Variants in CCDC148 observed in about 807,000 individuals in gnomAD.
CCDC148 encodes coiled-coil domain-containing protein 148.
A neutral mutation model predicts 85.7 loss-of-function variants in CCDC148; 89 were observed. The ratio of observed to expected loss-of-function variants is 1.04; its 90% CI spans 0.87 to 1.24. The LOEUF is 1.24. Among genes scored for constraint, CCDC148 ranks in the 50% most tolerant of loss-of-function variants. CCDC148 has a pLI of 0.00. For synonymous variants in CCDC148, 230 were observed against 213.9 expected, an observed-to-expected ratio of 1.08 and a Z score of -0.66; for missense variants, 692 against 671.7, an observed-to-expected ratio of 1.03 and a Z score of -0.33.
intron 1 of CCDC148, among the ~76,000 whole-genome samples, chr2:158,382,758 CA>C (rs10708736): frequency 0.6 from 87,625 of 144,882 alleles, 26,926 homozygotes; most frequent in East Asian, 0.73. Context: ...ACTAAAAATA[CA>C]AAAAAAAAAA....
chr2:158,281,846 A>G (rs1184454954), intron 9 of CCDC148, among the ~76,000 whole-genome samples: 1 of 152,196 alleles, frequency 6.6e-6, no homozygotes, highest in Non-Finnish European at 1.5e-5. Context: ...TTAAACCAAC[A>G]TCCTTGATGA....
chr2:158,246,941 C>T (rs1688593152), intron 10 of CCDC148, among the ~76,000 whole-genome samples: 1 of 152,128 alleles, frequency 6.6e-6, no homozygotes, highest in South Asian at 2.1e-4. Flanking sequence ...GTAAGAGCCA[C>T]CTGTAGAGAT....
Position 158,400,402 on chromosome 2 carries a change from C to T in CCDC148, c.26-41832G>A, listed in dbSNP as rs536564281. ...CAGAACAGAGGTCTCAGAAATAATG[C>T]CACACATCTACAACCATCTGATCTT... is the stretch of plus-strand genomic sequence containing the variant. On this transcript the variant is annotated intron_variant, in intron 1 of 13. Transcript: ENST00000283233. Among the ~76,000 whole-genome samples the T allele has an allele frequency of 9.2e-5, 14 of 152,164 alleles. No homozygotes were observed. The East Asian group carries it at 2.7e-3, about 29-fold the overall frequency.
chr2:158,306,351 T>A (rs1691685101), intron 9 of CCDC148, among the ~76,000 whole-genome samples: 1 of 151,474 alleles, frequency 6.6e-6, no homozygotes, highest in Non-Finnish European at 1.5e-5. Context: ...TGAAACCCCA[T>A]CTCTACTAAA....
intron 1 of CCDC148, among the ~76,000 whole-genome samples, chr2:158,432,235 T>TAA (rs11445715): frequency 2.8e-5 from 4 of 145,398 alleles, no homozygotes; most frequent in African/African-American, 7.6e-5. Context: ...ATGATGAAAA[T>TAA]AAAAAAAAAC....
intron 10 of CCDC148, among the ~76,000 whole-genome samples, chr2:158,226,790 T>C (rs1303278426): frequency 6.6e-6 from 1 of 152,176 alleles, no homozygotes; most frequent in African/African-American, 2.4e-5. Flanking sequence ...AAATTAGGTA[T>C]TGATGGGATG....
At chr2:158,234,417 T>C (rs1204320372) in intron 10 of CCDC148, among the ~76,000 whole-genome samples, 4 of 152,092 alleles carry the variant, frequency 2.6e-5, no homozygotes, top group Non-Finnish European at 5.9e-5. Flanking sequence ...TAGCAACCAA[T>C]CTCCAAGGTG....
chr2:158,300,438 G>A (rs947597438), intron 9 of CCDC148, among the ~76,000 whole-genome samples: 6 of 152,144 alleles, frequency 3.9e-5, no homozygotes, highest in Admixed American at 1.3e-4. Flanking sequence ...AATCACAGGC[G>A]AGCCAGAGTT....
chr2:158,330,358 C>G (rs1693032977), intron 7 of CCDC148, among the ~76,000 whole-genome samples: 1 of 152,058 alleles, frequency 6.6e-6, no homozygotes, highest in African/African-American at 2.4e-5. Flanking sequence ...GGGATGAAGC[C>G]CACTTGATTA....
chr2:158,455,631 T>TGACATA (rs1688627854), intron 1 of CCDC148, among the ~76,000 whole-genome samples: 1 of 151,562 alleles, frequency 6.6e-6, no homozygotes, highest in African/African-American at 2.4e-5. Context: ...TGAGGGGTAG[T>TGACATA]AACATAGTCT....
chr2:158,325,402 A>G lies in CCDC148; in HGVS notation c.765-11508T>C, dbSNP rs75175691. Among the ~76,000 whole-genome samples the G allele has an allele frequency of 8.4e-3, 1,281 of 152,234 alleles. 11 individuals are homozygous for G. Among genetic ancestry groups the G allele is most frequent in the African/African-American group, 0.029 (1,209 of 41,540 alleles). ...AGGACACTACACTCTCTTTGTTTTC[A>G]TATCTCACAGACATTTTCTCAGTGT... On this transcript the variant is annotated intron_variant, in intron 7 of 13. Coordinates refer to ENST00000283233, the MANE Select transcript of CCDC148 (RefSeq NM_138803.4).
intron 9 of CCDC148, among the ~76,000 whole-genome samples, chr2:158,260,754 T>C (rs72995449): frequency 0.029 from 4,476 of 152,024 alleles, 198 homozygotes; most frequent in African/African-American, 0.098. Context: ...ACGAATGCAA[T>C]CTGATTCACA....
chr2:158,328,387 C>T (rs940689692), intron 7 of CCDC148, among the ~76,000 whole-genome samples: 20 of 152,148 alleles, frequency 1.3e-4, no homozygotes, highest in African/African-American at 4.6e-4. Context: ...TGTATATGTG[C>T]CACATTTTCT....
intron 10 of CCDC148, among the ~76,000 whole-genome samples, chr2:158,227,361 T>C (rs1374336154): frequency 3.0e-4 from 46 of 151,110 alleles, no homozygotes; most frequent in African/African-American, 9.0e-4. Context: ...GAATCAATAT[T>C]GTGAAAATGG....
intron 1 of CCDC148, among the ~76,000 whole-genome samples, chr2:158,372,579 T>C (rs935263705): frequency 6.6e-6 from 1 of 152,026 alleles, no homozygotes; most frequent in Non-Finnish European, 1.5e-5. Context: ...TGTAAGAGGT[T>C]CACCTGCTTC....
At chr2:158,228,427 A>T (rs977624516) in intron 10 of CCDC148, among the ~76,000 whole-genome samples, 26 of 152,318 alleles carry the variant, frequency 1.7e-4, no homozygotes, top group African/African-American at 5.3e-4. Context: ...AGAGCTAGAA[A>T]TACCATTTGA....
At chr2:158,219,543 C>T (rs1451411585) in intron 11 of CCDC148, among the ~76,000 whole-genome samples, 2 of 152,292 alleles carry the variant, frequency 1.3e-5, no homozygotes, top group East Asian at 3.9e-4. Flanking sequence ...CTGCCAGCAG[C>T]ACATGTAGGG....
At chr2:158,388,427 G>T (rs1362958181) in intron 1 of CCDC148, among the ~76,000 whole-genome samples, 1 of 152,084 alleles carries the variant, frequency 6.6e-6, no homozygotes, top group Non-Finnish European at 1.5e-5. Flanking sequence ...TCCAAACCCA[G>T]CTCTAACACC....
intron 10 of CCDC148, among the ~76,000 whole-genome samples, chr2:158,235,256 A>G (rs753315044): frequency 4.3e-4 from 66 of 152,352 alleles, no homozygotes; most frequent in Non-Finnish European, 7.3e-4. Context: ...TGTAAAGGGC[A>G]TAACTATTAT....
Sources: gnomAD v4.1 joint callset for allele counts (sites outside exome capture counted in the v4.1 genomes callset) on GRCh38, gnomAD v4.1.1 for gene constraint, MANE v1.5 for transcripts, NCBI Gene and HGNC (gene_info 2026-07-23, HGNC 2026-07-21) for gene names.